Variants in LGALS9 observed in about 807,000 individuals in gnomAD.
LGALS9 encodes galectin 9.
A neutral mutation model predicts 35.9 loss-of-function variants in LGALS9; 26 were observed. The observed-to-expected ratio is 0.72, with a 90% CI of 0.53 to 1.01. The LOEUF (loss-of-function observed/expected upper bound fraction) is 1.01. LGALS9 is among the 50% of genes least tolerant of loss of function. LGALS9 has a pLI of 0.00. For synonymous variants in LGALS9, 149 were observed against 172.2 expected, an observed-to-expected ratio of 0.87 and a Z score of 1.06; for missense variants, 347 against 445.8, an observed-to-expected ratio of 0.78 and a Z score of 1.99.
At position 27,631,271 on chromosome 17, in the gene LGALS9, C is replaced by T; in HGVS notation, c.6C>T (p.Ala2=). The change falls in exon 1 of 11, where the codon GCC becomes GCT. Residue 2 remains alanine (A), a synonymous_variant. Coordinates refer to ENST00000395473, the MANE Select transcript of LGALS9 (RefSeq NM_009587.3). ...GCCACAGAGGCGGCGGAGAGATGGCCTTCAGCGGTTCCCAGGCTCCCTACC... is the reference window on the plus strand; with the variant it reads ...GCCACAGAGGCGGCGGAGAGATGGCTTTCAGCGGTTCCCAGGCTCCCTACC... M[A]FSGSQAPYLS... is the part of the protein sequence containing the mutation. The T allele has an allele frequency of 1.9e-6, 3 of 1,614,178 alleles. No individual in the cohort carries two copies. The highest frequency in any genetic ancestry group is 2.5e-6 in the Non-Finnish European group (3 of 1,180,018).
At position 27,640,016 on chromosome 17, in the gene LGALS9, G is replaced by A. The variant is rs569968838; in HGVS notation, c.132-556G>A. Reference sequence around the variant, plus strand: ...CTCCCAAAGTGCTGGGATTACAGGCGTGAGCCATCATGCCCAGCCAATTTT... The same window carrying A: ...CTCCCAAAGTGCTGGGATTACAGGCATGAGCCATCATGCCCAGCCAATTTT... On this transcript the variant is annotated intron_variant, in intron 2 of 10. Coordinates refer to ENST00000395473, the MANE Select transcript of LGALS9 (RefSeq NM_009587.3). Among the ~76,000 whole-genome samples, 13 of 151,570 alleles carry A rather than the reference G, an allele frequency of 8.6e-5. No individual in the cohort carries two copies. In the East Asian group the frequency reaches 1.6e-3, roughly 18 times the overall value.
At chr17:27,634,107 T>C (rs1452095548) in intron 1 of LGALS9, among the ~76,000 whole-genome samples, 1 of 152,226 alleles carries the variant, frequency 6.6e-6, no homozygotes, top group Non-Finnish European at 1.5e-5. Flanking sequence ...GCTCTCTTAA[T>C]GATTTTGAAG....
chr17:27,637,943 C>A (rs1437915463), intron 1 of LGALS9, among the ~76,000 whole-genome samples: 14 of 152,058 alleles, frequency 9.2e-5, no homozygotes, highest in African/African-American at 3.1e-4. Context: ...GGAAGGAAGG[C>A]CTTCTGCCTG....
chr17:27,649,174 C>A lies in LGALS9; in HGVS notation c.*192C>A, dbSNP rs141064253. 602 of 847,066 alleles carry A rather than the reference C, an allele frequency of 7.1e-4. 1 individual carries two copies. The Middle Eastern group carries it at 0.021, about 30-fold the overall frequency. The allele number at this position is 847,066 out of a possible 1,614,324, so 52.5% of individuals were successfully genotyped here. Reference sequence around the variant, plus strand: ...CGGAGAAGGCAGCTGACGGGGATTGCCTTCCTCAGCCGCAGCAGCACCTGG... The same window carrying A: ...CGGAGAAGGCAGCTGACGGGGATTGACTTCCTCAGCCGCAGCAGCACCTGG... On this transcript the variant is annotated 3_prime_UTR_variant, in exon 11 of 11. Transcript: ENST00000395473.
At chr17:27,640,510 C>T (rs147264456) in intron 2 of LGALS9, 62 bp from the exon 3 acceptor site, 125 of 1,609,766 alleles carry the variant, frequency 7.8e-5, no homozygotes, top group Non-Finnish European at 1.0e-4. Context: ...CCGAGGCCCT[C>T]CTGTGCCTGT....
chr17:27,647,067 A>G lies in LGALS9; in HGVS notation c.707A>G (p.Tyr236Cys), dbSNP rs1905006415. The part of the protein sequence containing the change: ...PFITTILGGL[Y>C]PSKSILLSGT... ...ATCACCACCATTCTGGGAGGGCTGT[A>G]CCCATCCAAGTCCATCCTCCTGTCA... Residue 236 changes from tyrosine (Y) to cysteine (C), a missense_variant, in exon 9 of 11, where the codon TAC becomes TGC. Coordinates refer to ENST00000395473, the MANE Select transcript of LGALS9 (RefSeq NM_009587.3). 1 of 1,613,966 alleles carries G rather than the reference A, an allele frequency of 6.2e-7. No homozygotes were observed. The highest frequency in any genetic ancestry group is 8.5e-7 in the Non-Finnish European group (1 of 1,179,956).
chr17:27,632,393 C>T (rs2074402028), intron 1 of LGALS9, among the ~76,000 whole-genome samples: 3 of 152,306 alleles, frequency 2.0e-5, no homozygotes, highest in South Asian at 2.1e-4. Context: ...AGGCTGCCTA[C>T]GTTCTGGTCT....
chr17:27,642,424 G>C (rs1265135420), intron 4 of LGALS9, 76 bp downstream of exon 4: 7 of 1,600,376 alleles, frequency 4.4e-6, no homozygotes, highest in Non-Finnish European at 3.4e-6. Context: ...AGCCCTGCTG[G>C]GTGGGCCCAA....
intron 2 of LGALS9, 114 bp from the exon 3 acceptor site, chr17:27,640,458 A>G: frequency 6.8e-7 from 1 of 1,461,998 alleles, no homozygotes; most frequent in Non-Finnish European, 9.6e-7. Flanking sequence ...TCTCTGCCAT[A>G]CAGGTTGTGT....
intron 1 of LGALS9, among the ~76,000 whole-genome samples, chr17:27,635,859 A>G (rs892807041): frequency 4.7e-4 from 71 of 152,238 alleles, no homozygotes; most frequent in Non-Finnish European, 9.4e-4. Flanking sequence ...CAGGGAAAAC[A>G]GGCTTCCCAA....
At chr17:27,639,274 TC>T (rs1218419719) in intron 2 of LGALS9, among the ~76,000 whole-genome samples, 1 of 152,088 alleles carries the variant, frequency 6.6e-6, no homozygotes, top group Non-Finnish European at 1.5e-5. Context: ...GGCCCCGATC[TC>T]CCTGAACCCT....
chr17:27,647,878 C>CA (rs1905061201), intron 10 of LGALS9, among the ~76,000 whole-genome samples: 1 of 152,228 alleles, frequency 6.6e-6, no homozygotes, highest in South Asian at 2.1e-4. Context: ...AAAGCATGGA[C>CA]AGATTGTCAC....
chr17:27,647,310 C>T lies in LGALS9; in HGVS notation c.799C>T (p.His267Tyr). Residue 267 changes from histidine (H) to tyrosine (Y), a missense_variant, in exon 10 of 11, where the codon CAC becomes TAC. By Grantham distance (83) the His-to-Tyr change is moderately conservative. Coordinates refer to ENST00000395473, the MANE Select transcript of LGALS9 (RefSeq NM_009587.3). ...NLCSGNHIAF[H>Y]LNPRFDENAV... ...GTGCTCTGGGAACCACATCGCCTTC[C>T]ACCTGAACCCCCGTTTTGATGAGAA... is the stretch of plus-strand genomic sequence containing the variant. 6.2e-7 allele frequency: 1 copy of T among 1,614,202 alleles called. No individual in the cohort carries two copies.
In LGALS9 at chr17:27,645,846, G is replaced by C; in HGVS notation, c.577-15G>C. On this transcript the variant is annotated splice_polypyrimidine_tract_variant and intron_variant, in intron 6 of 10. Transcript: ENST00000395473. ...CACGTGAGAGCCTGGGTGAGACCTG[G>C]TTTCTTTCTTCCAGACCCAGACAGT... The C allele has an allele frequency of 6.3e-7, 1 of 1,598,346 alleles. No individual in the cohort carries two copies.
At chr17:27,644,699 A>T (rs940740796) in intron 5 of LGALS9, 13 of 154,914 alleles carry the variant, frequency 8.4e-5, no homozygotes, top group African/African-American at 3.1e-4. Flanking sequence ...TGACTTCAGG[A>T]CTGGTCGAGC....
intron 2 of LGALS9, chr17:27,638,819 A>G (rs2074484027): frequency 7.5e-6 from 2 of 266,742 alleles, no homozygotes; most frequent in South Asian, 7.9e-5. Flanking sequence ...TCAATTCAAC[A>G]TACTAACATT....
At position 27,647,339 on chromosome 17, in the gene LGALS9, T is replaced by C. The variant is rs745424161; in HGVS notation, c.828T>C (p.Ala276=). The change falls in exon 10 of 11, where the codon GCT becomes GCC. Residue 276 remains alanine (A), a synonymous_variant. Transcript: ENST00000395473. ...TGAACCCCCGTTTTGATGAGAATGC[T>C]GTGGTCCGCAACACCCAGATCGACA... ...FHLNPRFDEN[A]VVRNTQIDNS... 1 of 1,614,192 alleles carries C rather than the reference T, an allele frequency of 6.2e-7. No individual in the cohort carries two copies. The highest frequency in any genetic ancestry group is 1.7e-5 in the Admixed American group (1 of 60,014).
chr17:27,648,810 G>C, intron 10 of LGALS9, 26 bp from the exon 11 acceptor site: 1 of 1,613,294 alleles, frequency 6.2e-7, no homozygotes, highest in Non-Finnish European at 8.5e-7. Flanking sequence ...CCCAAGTGTA[G>C]TGCAAACGGC....
intron 3 of LGALS9, 46 bp downstream of exon 3, chr17:27,640,819 C>T: frequency 1.9e-6 from 3 of 1,609,828 alleles, no homozygotes; most frequent in African/African-American, 2.7e-5. Flanking sequence ...GGACCCCCAG[C>T]CCTATCAGGT....
Sources: gnomAD v4.1 joint callset for allele counts (sites outside exome capture counted in the v4.1 genomes callset) on GRCh38, gnomAD v4.1.1 for gene constraint, MANE v1.5 for transcripts, NCBI Gene and HGNC (gene_info 2026-07-23, HGNC 2026-07-21) for gene names.